The following MPO variants were observed in gnomAD, a reference collection of about 807,000 sequenced individuals.
MPO encodes the protein myeloperoxidase.
Under a neutral mutation model 69.4 loss-of-function variants are expected in MPO, and 57 were observed. The ratio of observed to expected loss-of-function variants is 0.82; its 90% CI spans 0.66 to 1.02. The LOEUF is 1.02. MPO is among the 50% of genes least tolerant of loss of function. The pLI is 0.00. For synonymous variants in MPO, 426 were observed against 417.1 expected (o/e 1.02, Z -0.26); for missense variants, 971 against 1,014.1 (o/e 0.96, Z 0.58).
intron 8 of MPO, among the ~76,000 whole-genome samples, chr17:58,274,703 C>T (rs1426523662): frequency 6.6e-6 from 1 of 151,756 alleles, no homozygotes. Flanking sequence ...GCTTGAAATC[C>T]CAGCTACTCA....
Position 58,279,312 on chromosome 17 carries a change from G to A in MPO, c.663C>T (p.Gly221=). ...YGWTPGVKRN[G]FPVALARAVS... is the part of the protein sequence containing the mutation. The stretch of plus-strand genomic sequence containing the variant: ...CGGCGCTCACCAGAGCCACCGGGAA[G>A]CCGTTGCGCTTGACCCCGGGCGTCC... Residue 221 remains glycine, a synonymous_variant, in exon 5 of 12, where the codon GGC becomes GGT. Transcript: ENST00000225275. The A allele has an allele frequency of 6.4e-7, 1 of 1,568,610 alleles. No homozygotes were observed. The highest frequency in any genetic ancestry group is 8.6e-7 in the Non-Finnish European group (1 of 1,157,092).
At chr17:58,273,308 TG>T in intron 9 of MPO, 105 bp downstream of exon 9, 1 of 1,543,796 alleles carries the variant, frequency 6.5e-7, no homozygotes, top group Non-Finnish European at 8.9e-7. Flanking sequence ...ATCTCCAAGA[TG>T]GGAGGAAAGC....
At chr17:58,278,770 C>T (rs1970472325) in intron 6 of MPO, 1 of 602,644 alleles carries the variant, frequency 1.7e-6, no homozygotes, top group Non-Finnish European at 2.9e-6. Context: ...ACAACCCTCT[C>T]TCCCTTGGCC....
Position 58,280,784 on chromosome 17 carries a change from C to T in MPO, c.-26G>A. On this transcript the variant is annotated 5_prime_UTR_variant, in exon 1 of 12. Transcript: ENST00000225275. ...CTCTCTTCTCCTGGGCTGCTCAATC[C>T]CCCTTTGTACCTCAGCCCCACCTCA... 6.2e-7 allele frequency: 1 copy of T among 1,613,622 alleles called. No individual in the cohort carries two copies. The highest frequency in any genetic ancestry group is 1.1e-5 in the South Asian group (1 of 90,932).
Position 58,270,581 on chromosome 17 carries a change from G to C in MPO, c.*75C>G, listed in dbSNP as rs1970353191. 1 of 1,256,374 alleles carries C rather than the reference G, an allele frequency of 8.0e-7. No homozygotes were observed. The highest frequency in any genetic ancestry group is 1.5e-5 in the African/African-American group (1 of 67,208). 77.8% of individuals were successfully genotyped at this position (1,256,374 alleles called of 1,614,324 possible). A position where few individuals can be genotyped will look rare whatever the true frequency, so the allele number is the denominator to read the frequency against. On this transcript the variant is annotated 3_prime_UTR_variant, in exon 12 of 12. Coordinates refer to ENST00000225275, the MANE Select transcript of MPO (RefSeq NM_000250.2). This position sits in a 1 kb window ranked among gnomAD's most constrained non-coding sequence, Gnocchi z 4.1. ...CCCAGAACAGGGCTGGGCTCATCTA[G>C]GGCAAGGAGATCTCCGTGGTTCCAA... is the stretch of plus-strand genomic sequence containing the variant.
rs1444122273 is a variant in MPO at position 58,280,448 on chromosome 17, C to G, written c.166G>C (p.Glu56Gln). The change falls in exon 2 of 12, where the codon GAG (glutamate) becomes CAG (glutamine). Residue 56 changes from glutamate to glutamine, a missense_variant. Glu to Gln is a conservative substitution (Grantham distance 29). Coordinates refer to ENST00000225275, the MANE Select transcript of MPO (RefSeq NM_000250.2). ...SEGAAPAVLG[E>Q]VDTSLVLSSM... is the part of the protein sequence containing the mutation. ...CTCAGCACCAACGAGGTGTCCACCTCCCCCAGGACAGCTGCCCAGAGCAGG... is the reference window on the plus strand; with the variant it reads ...CTCAGCACCAACGAGGTGTCCACCTGCCCCAGGACAGCTGCCCAGAGCAGG... 1.9e-6 allele frequency: 3 copies of G among 1,613,932 alleles called. No homozygotes were observed. The highest frequency in any genetic ancestry group is 2.7e-5 in the African/African-American group (2 of 74,910).
intron 11 of MPO, among the ~76,000 whole-genome samples, chr17:58,271,073 C>A (rs1027276766): frequency 6.6e-6 from 1 of 152,194 alleles, no homozygotes; most frequent in African/African-American, 2.4e-5. Context: ...TGCCCAGTGG[C>A]CTTTCCCTTA....
Position 58,280,430 on chromosome 17 carries a change from C to A in MPO, c.184G>T (p.Val62Leu). 6.2e-7 allele frequency: 1 copy of A among 1,614,110 alleles called. No individual in the cohort carries two copies. The highest frequency in any genetic ancestry group is 1.6e-4 in the Middle Eastern group (1 of 6,062). ...AVLGEVDTSL[V>L]LSSMEEAKQL... ...TTGGCCTCCTCCATGGAGCTCAGCACCAACGAGGTGTCCACCTCCCCCAGG... is the reference window on the plus strand; with the variant it reads ...TTGGCCTCCTCCATGGAGCTCAGCAACAACGAGGTGTCCACCTCCCCCAGG... Residue 62 changes from valine to leucine, a missense_variant, in exon 2 of 12, where the codon GTG becomes TTG. Val to Leu is a conservative substitution (Grantham distance 32). Coordinates refer to ENST00000225275, the MANE Select transcript of MPO (RefSeq NM_000250.2).
intron 8 of MPO, 72 bp from the exon 9 acceptor site, chr17:58,273,741 G>A: frequency 6.2e-7 from 1 of 1,609,848 alleles, no homozygotes; most frequent in Non-Finnish European, 8.5e-7. Context: ...CAGCACAGGA[G>A]GGCCAGAGTC....
chr17:58,270,699 G>A lies in MPO; in HGVS notation c.2195C>T (p.Thr732Ile). 1.2e-6 allele frequency: 2 copies of A among 1,613,998 alleles called. 1 individual carries two copies. Among genetic ancestry groups the A allele is most frequent in the Middle Eastern group, 3.3e-4 (2 of 6,060 alleles). The change falls in exon 12 of 12, where the codon ACA becomes ATA. Residue 732 changes from threonine (T) to isoleucine (I), a missense_variant. By Grantham distance (89) the Thr-to-Ile change is moderately conservative. Coordinates refer to ENST00000225275, the MANE Select transcript of MPO (RefSeq NM_000250.2). This position sits in a 1 kb window ranked among gnomAD's most constrained non-coding sequence, Gnocchi z 4.1. ...SYPRDFVNCS[T>I]LPALNLASWR... Reference sequence around the variant, plus strand: ...GGAAGCCAGGTTCAATGCAGGAAGTGTACTGCAGTTGACAAAGTCCCGGGG... The same window carrying A: ...GGAAGCCAGGTTCAATGCAGGAAGTATACTGCAGTTGACAAAGTCCCGGGG...
chr17:58,272,651 G>A (rs1437082364), intron 10 of MPO, 97 bp downstream of exon 10: 33 of 1,421,166 alleles, frequency 2.3e-5, no homozygotes, highest in Admixed American at 5.8e-5. Context: ...ATGCTTTGGA[G>A]AGGGCAGGGA....
rs1476768538 is a variant in MPO at position 58,279,654 on chromosome 17, G to A, written c.425-8C>T. On this transcript the variant is annotated splice_polypyrimidine_tract_variant and splice_region_variant and intron_variant, in intron 3 of 11. Transcript: ENST00000225275. ...GGGCGGGCGTCAGCACATCTGCCGG[G>A]GGAAAGAACAATGGGGGAGCTGAGC... is the stretch of plus-strand genomic sequence containing the variant. 6.2e-7 allele frequency: 1 copy of A among 1,614,108 alleles called. No individual in the cohort carries two copies. The highest frequency in any genetic ancestry group is 1.1e-5 in the South Asian group (1 of 91,078).
intron 7 of MPO, 136 bp downstream of exon 7, chr17:58,277,691 T>C: frequency 7.9e-7 from 1 of 1,273,500 alleles, no homozygotes; most frequent in Non-Finnish European, 1.1e-6. Flanking sequence ...TGGATTAATA[T>C]CATGAAGTTG....
Position 58,277,963 on chromosome 17 carries a change from C to A in MPO, c.1068G>T (p.Met356Ile). ...EEPLARNLRN[M>I]SNQLGLLAVN... ...CGGCCAGCAGCCCCAGCTGGTTGGA[C>A]ATGTTGCGCAGGTTCCTGGCCAGGG... The change falls in exon 7 of 12, where the codon ATG becomes ATT. Residue 356 changes from methionine to isoleucine, a missense_variant. Met to Ile is a conservative substitution (Grantham distance 10). Coordinates refer to ENST00000225275, the MANE Select transcript of MPO (RefSeq NM_000250.2). 1 of 1,613,650 alleles carries A rather than the reference C, an allele frequency of 6.2e-7. No homozygotes were observed. Among genetic ancestry groups the A allele is most frequent in the Non-Finnish European group, 8.5e-7 (1 of 1,180,028 alleles).
chr17:58,280,931 T>C lies in MPO; in HGVS notation c.-173A>G. 1 of 702,916 alleles carries C rather than the reference T, an allele frequency of 1.4e-6. No homozygotes were observed. Among genetic ancestry groups the C allele is most frequent in the Non-Finnish European group, 2.4e-6 (1 of 418,530 alleles). The allele number at this position is 702,916 out of a possible 1,614,324, so 43.5% of individuals were successfully genotyped here. On this transcript the variant is annotated 5_prime_UTR_variant, in exon 1 of 12. Coordinates refer to ENST00000225275, the MANE Select transcript of MPO (RefSeq NM_000250.2). ...CCCCACCTCCACAGCTCACCTGATA[T>C]TGTCAGCTCCTCTTAGCTCAATCTG...
Position 58,270,892 on chromosome 17 carries a change from GC to G in MPO, c.2031-30del. Reference sequence around the variant, plus strand: ...CATGGGGAACACCCATGGACACTGTGCCCAAGGATATTCTGGGCTGGCAGGG... The same window carrying G: ...CATGGGGAACACCCATGGACACTGTGCCAAGGATATTCTGGGCTGGCAGGG... On this transcript the variant is annotated intron_variant, in intron 11 of 11. Transcript: ENST00000225275. The surrounding 1 kb of genome is among the most constrained non-coding windows in gnomAD (Gnocchi z 4.1). 6.2e-7 allele frequency: 1 copy of G among 1,611,446 alleles called. No individual in the cohort carries two copies. The highest frequency in any genetic ancestry group is 8.5e-7 in the Non-Finnish European group (1 of 1,179,072).
At chr17:58,277,491 C>A (rs1328592795) in intron 7 of MPO, among the ~76,000 whole-genome samples, 3 of 152,228 alleles carry the variant, frequency 2.0e-5, no homozygotes, top group Admixed American at 6.5e-5. Context: ...GTTCTCTGTC[C>A]TTTAGTTCCC....
intron 8 of MPO, chr17:58,274,221 A>G: frequency 2.0e-6 from 1 of 492,780 alleles, no homozygotes; most frequent in Non-Finnish European, 4.1e-6. Flanking sequence ...GAAGACATGG[A>G]ATAGTCTCAC....
At chr17:58,274,862 TTTTA>T (rs769462569) in intron 8 of MPO, among the ~76,000 whole-genome samples, 2 of 151,578 alleles carry the variant, frequency 1.3e-5, no homozygotes. Context: ...TTAAATTTTA[TTTTA>T]TTTATTTATT....
Sources: allele counts gnomAD v4.1 joint callset (sites outside exome capture counted in the v4.1 genomes callset), GRCh38; gene constraint gnomAD v4.1.1; non-coding constraint Gnocchi (gnomAD v3.1); transcripts MANE v1.5; gene names NCBI Gene and HGNC (gene_info 2026-07-23, HGNC 2026-07-21).